Variants in POU2F2 observed in about 807,000 individuals in gnomAD.
POU2F2 encodes the protein POU class 2 homeobox 2, also known as POU domain, class 2, transcription factor 2.
Under a neutral mutation model 63.5 loss-of-function variants are expected in POU2F2, and 14 were observed. The ratio of observed to expected loss-of-function variants is 0.22; its 90% CI spans 0.15 to 0.34. The LOEUF is 0.34. Ranked by LOEUF, POU2F2 falls within the 10% of genes least tolerant of loss-of-function variation. The pLI is 1.00. For synonymous variants in POU2F2, 306 were observed against 348.6 expected, an observed-to-expected ratio of 0.88 and a Z score of 1.36; for missense variants, 607 against 815.2, an observed-to-expected ratio of 0.74 and a Z score of 3.11.
chr19:42,125,227 T>A, intron 1 of POU2F2, among the ~76,000 whole-genome samples: 1 of 151,756 alleles, frequency 6.6e-6, no homozygotes, highest in Non-Finnish European at 1.5e-5. Flanking sequence ...GACATGATGG[T>A]GGTGGGCACC....
chr19:42,110,854 G>C (rs2030975426), intron 5 of POU2F2: 1 of 396,452 alleles, frequency 2.5e-6, no homozygotes, highest in Non-Finnish European at 5.2e-6. Context: ...TTATGACTGA[G>C]TCATTTCTCT....
chr19:42,172,638 T>C (rs999478986), intron 1 of POU2F2, among the ~76,000 whole-genome samples: 1 of 151,780 alleles, frequency 6.6e-6, no homozygotes, highest in Non-Finnish European at 1.5e-5. Context: ...CCAAAAGGGG[T>C]AGGGGGGACC....
chr19:42,164,256 C>G (rs1342403136), intron 1 of POU2F2, among the ~76,000 whole-genome samples: 1 of 148,902 alleles, frequency 6.7e-6, no homozygotes, highest in East Asian at 2.0e-4. Flanking sequence ...TGCGCCACTG[C>G]ACTCCAGCCT....
At chr19:42,129,932 C>T (rs1016788837) in intron 1 of POU2F2, among the ~76,000 whole-genome samples, 2 of 152,236 alleles carry the variant, frequency 1.3e-5, no homozygotes, top group Non-Finnish European at 2.9e-5. Context: ...CCCCGGCCAA[C>T]ACAATACAAG....
At chr19:42,102,568 G>A (rs1050868543) in intron 5 of POU2F2, among the ~76,000 whole-genome samples, 2 of 151,542 alleles carry the variant, frequency 1.3e-5, no homozygotes, top group African/African-American at 4.9e-5. Context: ...ACCAGCCTGG[G>A]CAACATAGTG....
chr19:42,172,037 CCA>C (rs1283671912), intron 1 of POU2F2, among the ~76,000 whole-genome samples: 3 of 152,212 alleles, frequency 2.0e-5, no homozygotes, highest in Non-Finnish European at 4.4e-5. Flanking sequence ...AGCTGAGCCT[CCA>C]CAGACAGGGC....
intron 14 of POU2F2, 99 bp downstream of exon 14, chr19:42,091,768 A>G (rs765029506): frequency 6.5e-7 from 1 of 1,548,178 alleles, no homozygotes; most frequent in African/African-American, 1.4e-5. Flanking sequence ...CAATGCAGTG[A>G]GCAGGGGCAG....
At chr19:42,180,252 A>T (rs1028280422), upstream of POU2F2, among the ~76,000 whole-genome samples, 1 of 152,206 alleles carries the variant, frequency 6.6e-6, no homozygotes, top group East Asian at 1.9e-4. Context: ...AGCTAGTGTG[A>T]ACATAAGAGA....
chr19:42,120,468 G>A (rs1242339433), intron 4 of POU2F2, among the ~76,000 whole-genome samples: 4 of 152,128 alleles, frequency 2.6e-5, no homozygotes, highest in Admixed American at 2.0e-4. Context: ...TGATCTGCCC[G>A]CTTTGTCTCC....
At chr19:42,124,333 A>G (rs2032983431) in intron 1 of POU2F2, among the ~76,000 whole-genome samples, 2 of 151,426 alleles carry the variant, frequency 1.3e-5, no homozygotes, top group East Asian at 1.9e-4. Flanking sequence ...AAAAAAAAGA[A>G]TGGAGCTAAA....
In POU2F2 at chr19:42,188,652, C is replaced by T. The variant is rs192942491; in HGVS notation, c.-70+7731G>A. On this transcript the variant is annotated intron_variant, in intron 1 of 5. Transcript: ENST00000532176. ...CGCCATTGCACTCCAGCCTGGGGGA[C>T]GAGAGAGAGTTCATCTCAAAAAAAA... Among the ~76,000 whole-genome samples, 7 of 119,104 alleles carry T rather than the reference C, an allele frequency of 5.9e-5. No homozygotes were observed. In the South Asian group the frequency reaches 7.5e-4, roughly 13 times the overall value. The allele number at this position is 119,104 out of a possible 152,430, so 78.1% of individuals were successfully genotyped here. A position where few individuals can be genotyped will look rare whatever the true frequency, so the allele number is the denominator to read the frequency against.
intron 5 of POU2F2, among the ~76,000 whole-genome samples, chr19:42,110,377 A>C (rs1490309664): frequency 6.6e-6 from 1 of 152,244 alleles, no homozygotes; most frequent in Non-Finnish European, 1.5e-5. Flanking sequence ...GGTGGGACGC[A>C]CTGCCTGGGA....
chr19:42,143,754 C>T (rs1164301155), intron 2 of POU2F2, among the ~76,000 whole-genome samples: 3 of 152,168 alleles, frequency 2.0e-5, no homozygotes, highest in Non-Finnish European at 2.9e-5. Flanking sequence ...GACTTTTGCT[C>T]TTGCCCTTCC....
intron 1 of POU2F2, among the ~76,000 whole-genome samples, chr19:42,124,420 A>G (rs2146652126): frequency 6.6e-6 from 1 of 151,784 alleles, no homozygotes; most frequent in East Asian, 1.9e-4. Flanking sequence ...ATTGAGTATT[A>G]TTCAATGTGA....
chr19:42,122,214 G>C, intron 3 of POU2F2, 32 bp from the exon 4 acceptor site: 1 of 1,602,684 alleles, frequency 6.2e-7, no homozygotes, highest in Non-Finnish European at 8.5e-7. Flanking sequence ...AAGGGGATGG[G>C]AATAGTGCAG....
At chr19:42,115,707 T>C (rs2031762290) in intron 5 of POU2F2, among the ~76,000 whole-genome samples, 1 of 152,176 alleles carries the variant, frequency 6.6e-6, no homozygotes, top group Non-Finnish European at 1.5e-5. Context: ...GCTGTCCTTA[T>C]GGGAACTCTG....
chr19:42,093,794 C>T (rs1168573998), intron 12 of POU2F2, 35 bp downstream of exon 12: 1 of 1,581,704 alleles, frequency 6.3e-7, no homozygotes, highest in East Asian at 2.3e-5. Context: ...CCACATCCTC[C>T]CAGTCCCCCC....
intron 1 of POU2F2, among the ~76,000 whole-genome samples, chr19:42,126,442 CAAAAA>C (rs112862678): frequency 1.0e-5 from 1 of 99,746 alleles, no homozygotes; most frequent in Non-Finnish European, 2.1e-5. Context: ...GACTCCATCT[CAAAAA>C]AAAAAAAAAA....
chr19:42,138,693 A>T (rs1210541480), intron 2 of POU2F2, among the ~76,000 whole-genome samples: 1 of 152,026 alleles, frequency 6.6e-6, no homozygotes, highest in African/African-American at 2.4e-5. Flanking sequence ...GAGGATACAT[A>T]TTCAAGCTGG....
Sources: allele counts gnomAD v4.1 joint callset (sites outside exome capture counted in the v4.1 genomes callset), GRCh38; gene constraint gnomAD v4.1.1; transcripts MANE v1.5; gene names NCBI Gene and HGNC (gene_info 2026-07-23, HGNC 2026-07-21).